The following TMBIM1 variants were observed in gnomAD, a reference collection of about 807,000 sequenced individuals.
TMBIM1 encodes protein lifeguard 3.
Under a neutral mutation model 45.1 loss-of-function variants are expected in TMBIM1, and 34 were observed. The ratio of observed to expected loss-of-function variants is 0.75; its 90% CI spans 0.57 to 1.00. TMBIM1 has a LOEUF of 1.00. Among genes scored for constraint, TMBIM1 ranks in the 50% least tolerant of loss-of-function variants. The pLI, the probability that TMBIM1 is intolerant of heterozygous loss-of-function variation, is 0.00. For missense variants in TMBIM1, 374 were observed against 402.4 expected, an observed-to-expected ratio of 0.93 and a Z score of 0.60; for synonymous variants, 157 against 153.5, an observed-to-expected ratio of 1.02 and a Z score of -0.17.
At position 218,278,971 on chromosome 2, in the gene TMBIM1, T is replaced by C. The variant is rs1401816347; in HGVS notation, c.422+67A>G. On this transcript the variant is annotated intron_variant, in intron 5 of 11. Transcript: ENST00000258412. ...ATTTTGATCCTGCCCTGAGCAAAGC[T>C]GGTCACCTAGAAACAGAAGCTGCCA... 3.1e-6 allele frequency: 5 copies of C among 1,587,364 alleles called. No homozygotes were observed. In the African/African-American group the frequency reaches 6.7e-5, roughly 21 times the overall value.
rs745698169 is a variant in TMBIM1 at position 218,275,538 on chromosome 2, C to G, written c.873G>C (p.Gln291His). 6.2e-7 allele frequency: 1 copy of G among 1,614,182 alleles called. No individual in the cohort carries two copies. Among genetic ancestry groups the G allele is most frequent in the Non-Finnish European group, 8.5e-7 (1 of 1,180,020 alleles). ...AGATGTAGATGATGTCTGTGTAAAT[C>G]TGCAGGGCGCCAGTGATGTAGTCCT... ...SPEDYITGAL[Q>H]IYTDIIYIFT... Residue 291 changes from glutamine to histidine, a missense_variant, in exon 12 of 12, where the codon CAG (glutamine) becomes CAC (histidine). Gln to His is a conservative substitution (Grantham distance 24). Transcript: ENST00000258412.
chr2:218,280,340 C>A, intron 2 of TMBIM1: 2 of 508,090 alleles, frequency 3.9e-6, no homozygotes, highest in South Asian at 2.0e-5. Context: ...ACGTTCCTCA[C>A]GTGCATCTGT....
intron 1 of TMBIM1, among the ~76,000 whole-genome samples, chr2:218,288,473 T>G (rs1015061597): frequency 6.6e-6 from 1 of 152,132 alleles, no homozygotes; most frequent in African/African-American, 2.4e-5. Context: ...GGGAACCACT[T>G]AGAGTAGTTG....
intron 1 of TMBIM1, among the ~76,000 whole-genome samples, chr2:218,284,615 G>C (rs1051000833): frequency 4.6e-5 from 7 of 152,172 alleles, no homozygotes; most frequent in African/African-American, 1.7e-4. Flanking sequence ...TAGTAGGCCT[G>C]CCTGCACTGC....
chr2:218,287,864 G>A (rs925426429), intron 1 of TMBIM1, among the ~76,000 whole-genome samples: 17 of 152,312 alleles, frequency 1.1e-4, no homozygotes, highest in Admixed American at 2.0e-4. Context: ...TGGGGATCAC[G>A]AGAGGACCCA....
intron 7 of TMBIM1, 32 bp downstream of exon 7, chr2:218,277,903 T>A (rs1691405931): frequency 6.2e-7 from 1 of 1,613,938 alleles, no homozygotes. Flanking sequence ...TCACAGCATC[T>A]CCACACCCTC....
intron 1 of TMBIM1, among the ~76,000 whole-genome samples, chr2:218,287,545 T>TAA (rs1692620426): frequency 6.6e-6 from 1 of 151,894 alleles, no homozygotes; most frequent in Non-Finnish European, 1.5e-5. Flanking sequence ...CCATGTCTAC[T>TAA]AAAAAATACA....
chr2:218,287,758 C>A (rs966699074), intron 1 of TMBIM1, among the ~76,000 whole-genome samples: 1 of 151,908 alleles, frequency 6.6e-6, no homozygotes, highest in African/African-American at 2.4e-5. Context: ...AACTCGAGGC[C>A]ACCCCTCCCA....
Position 218,279,056 on chromosome 2 carries a change from G to C in TMBIM1, c.404C>G (p.Ala135Gly), listed in dbSNP as rs141523374. The change falls in exon 5 of 12, where the codon GCT becomes GGT. Residue 135 changes from alanine (A) to glycine (G), a missense_variant. By Grantham distance (60) the Ala-to-Gly change is moderately conservative (BLOSUM62 0). Coordinates refer to ENST00000258412, the MANE Select transcript of TMBIM1 (RefSeq NM_022152.6). ...PVSAFVRRNV[A>G]VYYVSYAVFV... Reference sequence around the variant, plus strand: ...CACTCACTAGGACACGTAGTAGACAGCCACATTTCTCCTCACAAAGGCGCT... The same window carrying C: ...CACTCACTAGGACACGTAGTAGACACCCACATTTCTCCTCACAAAGGCGCT... 41 of 1,614,176 alleles carry C rather than the reference G, an allele frequency of 2.5e-5. No homozygotes were observed. Among genetic ancestry groups the C allele is most frequent in the Middle Eastern group, 1.7e-4 (1 of 6,060 alleles).
intron 3 of TMBIM1, 94 bp from the exon 4 acceptor site, chr2:218,279,447 AC>A: frequency 1.7e-6 from 2 of 1,187,970 alleles, no homozygotes; most frequent in South Asian, 3.3e-5. Context: ...CCACTCAAGA[AC>A]CCTCCCTAGC....
chr2:218,276,658 TCCA>T (rs1420046783), intron 10 of TMBIM1, among the ~76,000 whole-genome samples: 5 of 152,132 alleles, frequency 3.3e-5, no homozygotes, highest in Non-Finnish European at 7.4e-5. Context: ...CAAGGTCCCT[TCCA>T]CCTAGGCCCA....
At chr2:218,287,324 G>C (rs370635267) in intron 1 of TMBIM1, 2 of 152,328 alleles carry the variant, frequency 1.3e-5, no homozygotes, top group African/African-American at 4.8e-5. Context: ...CCCACTCTCT[G>C]AGTGATAGAC....
At chr2:218,285,363 C>T (rs1205990613) in intron 1 of TMBIM1, among the ~76,000 whole-genome samples, 1 of 152,182 alleles carries the variant, frequency 6.6e-6, no homozygotes, top group East Asian at 1.9e-4. Context: ...TGAAAACACC[C>T]TGTCTATCCA....
At chr2:218,279,529 C>G (rs977445803) in intron 3 of TMBIM1, 176 bp from the exon 4 acceptor site, 3 of 562,358 alleles carry the variant, frequency 5.3e-6, no homozygotes, top group Non-Finnish European at 9.3e-6. Flanking sequence ...TTCCTCAGCC[C>G]CGCTCCCATG....
chr2:218,292,114 G>A (rs955069150), intron 1 of TMBIM1, among the ~76,000 whole-genome samples: 1 of 152,204 alleles, frequency 6.6e-6, no homozygotes, highest in East Asian at 1.9e-4. Flanking sequence ...CACTCGGGCT[G>A]GCATGGTGGA....
At chr2:218,287,320 C>CTCT (rs1239158023) in intron 1 of TMBIM1, 1 of 152,210 alleles carries the variant, frequency 6.6e-6, no homozygotes, top group African/African-American at 2.4e-5. Flanking sequence ...CCCGCCCACT[C>CTCT]TCTGAGTGAT....
At chr2:218,277,300 G>C (rs2168703) in intron 9 of TMBIM1, 66 bp downstream of exon 9, 1 of 1,437,346 alleles carries the variant, frequency 7.0e-7, no homozygotes, top group East Asian at 2.3e-5. Flanking sequence ...TCCCTAGTGT[G>C]CCGGGGTCCG....
chr2:218,277,630 T>A lies in TMBIM1; in HGVS notation c.551+3A>T, dbSNP rs2106193251. ...AAGAGTGGTGCTTTATCCCTGAATG[T>A]ACCTGGAAATGGTGCCCGTCATGAA... On this transcript the variant is annotated splice_donor_region_variant and intron_variant, in intron 8 of 11. Transcript: ENST00000258412. The A allele has an allele frequency of 6.2e-7, 1 of 1,614,210 alleles. No homozygotes were observed. The highest frequency in any genetic ancestry group is 1.7e-5 in the Admixed American group (1 of 60,020).
chr2:218,276,677 T>G (rs961657774), intron 10 of TMBIM1, among the ~76,000 whole-genome samples: 2 of 152,088 alleles, frequency 1.3e-5, no homozygotes, highest in African/African-American at 4.8e-5. Flanking sequence ...GCCCATCATC[T>G]CAGTCCTCTG....
Sources: allele counts gnomAD v4.1 joint callset (sites outside exome capture counted in the v4.1 genomes callset), GRCh38; gene constraint gnomAD v4.1.1; transcripts MANE v1.5; gene names NCBI Gene and HGNC (gene_info 2026-07-23, HGNC 2026-07-21).